The following ZNF407 variants were observed in gnomAD, a reference collection of about 807,000 sequenced individuals.
The protein encoded by ZNF407 is zinc finger protein 407.
ZNF407 carries 17 observed loss-of-function variants against 131.2 expected under a neutral mutation model. The ratio of observed to expected loss-of-function variants is 0.13; its 90% CI spans 0.09 to 0.19. ZNF407 has a LOEUF of 0.19. Ranked by LOEUF, ZNF407 falls within the 10% of genes least tolerant of loss-of-function variation. ZNF407 has a pLI of 1.00. For synonymous variants in ZNF407, 1,156 were observed against 1,062.0 expected (o/e 1.09, Z -1.72); for missense variants, 2,681 against 2,830.6 (o/e 0.95, Z 1.20).
At chr18:74,644,693 A>T (rs748833299) in intron 3 of ZNF407, among the ~76,000 whole-genome samples, 2 of 151,826 alleles carry the variant, frequency 1.3e-5, no homozygotes, top group African/African-American at 4.8e-5. Context: ...TGCTTACCTT[A>T]TCCTTCTTAT....
At chr18:74,985,839 C>T (rs1416313623) in intron 8 of ZNF407, among the ~76,000 whole-genome samples, 2 of 152,166 alleles carry the variant, frequency 1.3e-5, no homozygotes, top group African/African-American at 2.4e-5. Context: ...TAACCTTAGA[C>T]CACACTTTTT....
chr18:74,764,112 C>T (rs1177293783), intron 3 of ZNF407, among the ~76,000 whole-genome samples: 2 of 151,360 alleles, frequency 1.3e-5, no homozygotes, highest in African/African-American at 2.4e-5. Flanking sequence ...GTTTGCAATT[C>T]GTTGACCTTT....
intron 3 of ZNF407, among the ~76,000 whole-genome samples, chr18:74,709,331 C>T (rs1260380644): frequency 2.0e-5 from 3 of 152,136 alleles, no homozygotes; most frequent in Admixed American, 1.3e-4. Context: ...TAGAACTTAT[C>T]TCTATTATGT....
intron 7 of ZNF407, among the ~76,000 whole-genome samples, chr18:74,892,043 AATTCC>A (rs908956303): frequency 1.3e-5 from 2 of 152,218 alleles, no homozygotes; most frequent in South Asian, 2.1e-4. Flanking sequence ...TTATGTATAA[AATTCC>A]ACAAATAAAA....
intron 4 of ZNF407, among the ~76,000 whole-genome samples, chr18:74,832,553 C>T (rs1210764913): frequency 6.6e-6 from 1 of 151,700 alleles, no homozygotes; most frequent in Non-Finnish European, 1.5e-5. Context: ...CTCTTGAGCT[C>T]ACCTGAGTTT....
chr18:74,796,753 G>C (rs922890505), intron 4 of ZNF407, among the ~76,000 whole-genome samples: 3 of 152,044 alleles, frequency 2.0e-5, no homozygotes, highest in Non-Finnish European at 4.4e-5. Flanking sequence ...CTCTGGGTTT[G>C]AACGTAATTC....
intron 8 of ZNF407, among the ~76,000 whole-genome samples, chr18:74,928,954 T>C (rs1291856924): frequency 6.6e-6 from 1 of 152,144 alleles, no homozygotes; most frequent in Non-Finnish European, 1.5e-5. Flanking sequence ...CTGAAAAAAG[T>C]ATCCTTTCTA....
intron 4 of ZNF407, among the ~76,000 whole-genome samples, chr18:74,805,818 T>G (rs1486694206): frequency 1.3e-5 from 2 of 152,218 alleles, no homozygotes; most frequent in African/African-American, 2.4e-5. Context: ...CATTGTTCAT[T>G]GTTTTAAGAC....
chr18:74,676,354 AG>A (rs1217242815), intron 3 of ZNF407, among the ~76,000 whole-genome samples: 8 of 151,844 alleles, frequency 5.3e-5, no homozygotes, highest in African/African-American at 1.7e-4. Flanking sequence ...CTCCTTCCAA[AG>A]TGCTAGGATT....
chr18:74,934,160 T>C (rs1009596541), intron 8 of ZNF407, among the ~76,000 whole-genome samples: 3 of 152,218 alleles, frequency 2.0e-5, no homozygotes, highest in Admixed American at 2.0e-4. Flanking sequence ...TTCTTTCGTC[T>C]TGTGAAAAAT....
Position 74,631,013 on chromosome 18 carries a change from T to TTTA in ZNF407, c.-3_-1dup. On this transcript the variant is annotated 5_prime_UTR_variant, in exon 2 of 9. Transcript: ENST00000299687. Reference sequence around the variant, plus strand: ...CCTTAGATAGAAGCATCGTCAGCACTTTATTAATGATGGATAGTGAGAATA... The same window carrying TTTA: ...CCTTAGATAGAAGCATCGTCAGCACTTTATTATTAATGATGGATAGTGAGAATA... 1 of 1,600,504 alleles carries TTTA rather than the reference T, an allele frequency of 6.2e-7. No homozygotes were observed. Among genetic ancestry groups the TTTA allele is most frequent in the Non-Finnish European group, 8.5e-7 (1 of 1,174,678 alleles).
intron 3 of ZNF407, among the ~76,000 whole-genome samples, chr18:74,651,726 A>G (rs1198667291): frequency 2.6e-5 from 4 of 152,218 alleles, no homozygotes; most frequent in African/African-American, 9.6e-5. Context: ...GCTCAGAATT[A>G]TGAATTGTCT....
chr18:75,033,685 G>A (rs1201954090), intron 8 of ZNF407, among the ~76,000 whole-genome samples: 1 of 152,218 alleles, frequency 6.6e-6, no homozygotes, highest in Admixed American at 6.5e-5. Context: ...GACAAATGAC[G>A]TTAATCATCA....
intron 4 of ZNF407, among the ~76,000 whole-genome samples, chr18:74,816,965 T>A (rs1180914424): frequency 1.3e-5 from 2 of 152,198 alleles, no homozygotes; most frequent in Non-Finnish European, 2.9e-5. Context: ...CACAAAAAAT[T>A]TATCTTTGAA....
intron 3 of ZNF407, among the ~76,000 whole-genome samples, chr18:74,757,588 G>C (rs1019146631): frequency 6.6e-6 from 1 of 151,990 alleles, no homozygotes; most frequent in African/African-American, 2.4e-5. Context: ...ATCAGTTCTG[G>C]AGGCTATTCT....
intron 4 of ZNF407, among the ~76,000 whole-genome samples, chr18:74,854,126 C>T (rs1970826890): frequency 6.6e-6 from 1 of 152,124 alleles, no homozygotes; most frequent in African/African-American, 2.4e-5. Context: ...ATGTCTTGCA[C>T]CACAGTATCC....
At position 74,755,336 on chromosome 18, in the gene ZNF407, C is replaced by T. The variant is rs9962275; in HGVS notation, c.4803-26092C>T. 4.2e-3 allele frequency among the ~76,000 whole-genome samples: 638 copies of T among 151,932 alleles called. 3 individuals carry two copies. The highest frequency in any genetic ancestry group is 0.013 in the African/African-American group (531 of 41,420). ...GTGTCTTTTAATTGGAGGATTTAGCCCATTTACATTTAAGGTTAATATTGT... is the reference window on the plus strand; with the variant it reads ...GTGTCTTTTAATTGGAGGATTTAGCTCATTTACATTTAAGGTTAATATTGT... On this transcript the variant is annotated intron_variant, in intron 3 of 8. Transcript: ENST00000299687.
intron 3 of ZNF407, among the ~76,000 whole-genome samples, chr18:74,735,506 A>G (rs1968391709): frequency 6.6e-6 from 1 of 152,148 alleles, no homozygotes; most frequent in Non-Finnish European, 1.5e-5. Context: ...AATGTTTCCT[A>G]TCCATAACTG....
chr18:74,890,472 G>A (rs1042765595), intron 7 of ZNF407, among the ~76,000 whole-genome samples: 1 of 152,112 alleles, frequency 6.6e-6, no homozygotes, highest in Non-Finnish European at 1.5e-5. Flanking sequence ...TTTAGTTACT[G>A]TTTAAAAAAC....
Sources: allele counts gnomAD v4.1 joint callset (sites outside exome capture counted in the v4.1 genomes callset), GRCh38; gene constraint gnomAD v4.1.1; transcripts MANE v1.5; gene names NCBI Gene and HGNC (gene_info 2026-07-23, HGNC 2026-07-21).